Variants in ATP13A2 observed in about 807,000 individuals in gnomAD.
The protein encoded by ATP13A2 is ATPase cation transporting 13A2.
ATP13A2 carries 83 observed loss-of-function variants against 138.3 expected under a neutral mutation model. The observed-to-expected ratio is 0.60, with a 90% CI of 0.50 to 0.72. The LOEUF is 0.72. Among genes scored for constraint, ATP13A2 ranks in the 30% least tolerant of loss-of-function variants. The probability of loss-of-function intolerance (pLI) is 0.00; values close to 1 mark genes in which losing one functional copy is unlikely to be tolerated. For missense variants in ATP13A2, 1,402 were observed against 1,606.4 expected (o/e 0.87, Z 2.17); for synonymous variants, 663 against 699.0 (o/e 0.95, Z 0.81).
At chr1:17,009,312 A>G (rs2077688688) in intron 1 of ATP13A2, among the ~76,000 whole-genome samples, 1 of 151,674 alleles carries the variant, frequency 6.6e-6, no homozygotes, top group South Asian at 2.1e-4. Flanking sequence ...GAATGAATGA[A>G]TGTCTGTCTC....
At chr1:16,996,517 C>A in intron 12 of ATP13A2, 21 bp from the exon 13 acceptor site, 2 of 1,608,006 alleles carry the variant, frequency 1.2e-6, no homozygotes, top group Non-Finnish European at 1.7e-6. Context: ...GGCGGGGACC[C>A]CAAGGCAGGG....
intron 8 of ATP13A2, among the ~76,000 whole-genome samples, chr1:17,001,534 C>T (rs571705541): frequency 6.6e-6 from 1 of 152,218 alleles, no homozygotes; most frequent in Non-Finnish European, 1.5e-5. Context: ...TGCCTGCCCC[C>T]GATCAGAGGG....
In ATP13A2 at chr1:17,004,700, C is replaced by A; in HGVS notation, c.469G>T (p.Val157Phe). The change falls in exon 5 of 29, where the codon GTC becomes TTC. Residue 157 changes from valine (V) to phenylalanine (F), a missense_variant. Transcript: ENST00000326735. The surrounding 1 kb of genome is among the most constrained non-coding windows in gnomAD (Gnocchi z 4.1). ...ACTTTTTCAGAACCCACCTGTCCGA[C>A]ACTCACCGCCTCCTCGCTCTTGTGG... ...QLHKSEEAVSVGQKRVLRYYL... is the reference protein window; with the variant it reads ...QLHKSEEAVSFGQKRVLRYYL... 1 of 1,614,114 alleles carries A rather than the reference C, an allele frequency of 6.2e-7. No homozygotes were observed. Among genetic ancestry groups the A allele is most frequent in the Non-Finnish European group, 8.5e-7 (1 of 1,180,038 alleles).
intron 1 of ATP13A2, among the ~76,000 whole-genome samples, chr1:17,006,785 G>A (rs2077577247): frequency 6.6e-6 from 1 of 152,166 alleles, no homozygotes; most frequent in South Asian, 2.1e-4. Flanking sequence ...CTGGCAGTGA[G>A]GAGATGCAAA....
rs1207900938 is a variant in ATP13A2, at chr1:16,991,722, A to G, written c.2251+12T>C. ...CTGCCCTGCTAGCCCGGGCCCCTACATGCCATTGTACCTGTCACCATGACG... is the reference window on the plus strand; with the variant it reads ...CTGCCCTGCTAGCCCGGGCCCCTACGTGCCATTGTACCTGTCACCATGACG... On this transcript the variant is annotated intron_variant, in intron 20 of 28. Coordinates refer to ENST00000326735, the MANE Select transcript of ATP13A2 (RefSeq NM_022089.4). The G allele has an allele frequency of 6.2e-7, 1 of 1,614,030 alleles. No individual in the cohort carries two copies. Among genetic ancestry groups the G allele is most frequent in the Admixed American group, 1.7e-5 (1 of 60,030 alleles).
intron 24 of ATP13A2, 33 bp downstream of exon 24, chr1:16,988,289 G>A: frequency 1.2e-6 from 2 of 1,614,172 alleles, no homozygotes; most frequent in Non-Finnish European, 1.7e-6. Flanking sequence ...CAGCCCTGCT[G>A]AGCCCTCACC....
rs1443236583 is a variant in ATP13A2 at position 16,990,174 on chromosome 1, G to A, written c.2365C>T (p.Leu789Phe). 1 of 1,613,932 alleles carries A rather than the reference G, an allele frequency of 6.2e-7. No individual in the cohort carries two copies. Among genetic ancestry groups the A allele is most frequent in the African/African-American group, 1.3e-5 (1 of 74,932 alleles). ...GGGGACTCCATCGGCAGGAACTCGA[G>A]AGAGGCAGGCTGACCCCGCTCAGGG... ...THPERGQPASLEFLPMESPTA... is the reference protein window; with the variant it reads ...THPERGQPASFEFLPMESPTA... Residue 789 changes from leucine to phenylalanine, a missense_variant, in exon 21 of 29, where the codon CTC becomes TTC. Leu to Phe is a conservative substitution (Grantham distance 22, BLOSUM62 0). Coordinates refer to ENST00000326735, the MANE Select transcript of ATP13A2 (RefSeq NM_022089.4).
Position 17,000,161 on chromosome 1 carries a change from G to A in ATP13A2, c.908-19C>T, listed in dbSNP as rs2077292472. 8 of 1,612,820 alleles carry A rather than the reference G, an allele frequency of 5.0e-6. No homozygotes were observed. The highest frequency in any genetic ancestry group is 6.8e-6 in the Non-Finnish European group (8 of 1,179,910). ...TCTTCCTCTGCAGGCAGGCAGGAGA[G>A]GAGCTCAGCTAGGTGGGGCCAGCCC... On this transcript the variant is annotated intron_variant, in intron 10 of 28. Coordinates refer to ENST00000326735, the MANE Select transcript of ATP13A2 (RefSeq NM_022089.4).
rs778246482 is a variant in ATP13A2 at position 16,996,171 on chromosome 1, G to A, written c.1354-7C>T. The A allele has an allele frequency of 6.2e-7, 1 of 1,614,164 alleles. No individual in the cohort carries two copies. Among genetic ancestry groups the A allele is most frequent in the Non-Finnish European group, 8.5e-7 (1 of 1,180,044 alleles). ...CAATCTCATTCAGAGGCACCTGGCA[G>A]GGGGCACCATGAATGTGAGCACCTG... is the stretch of plus-strand genomic sequence containing the variant. On this transcript the variant is annotated splice_polypyrimidine_tract_variant and splice_region_variant and intron_variant, in intron 14 of 28. Coordinates refer to ENST00000326735, the MANE Select transcript of ATP13A2 (RefSeq NM_022089.4).
In ATP13A2 at chr1:16,986,976, G is replaced by A. The variant is rs773787370; in HGVS notation, c.3084-20C>T. 4 of 1,613,402 alleles carry A rather than the reference G, an allele frequency of 2.5e-6. No homozygotes were observed. The highest frequency in any genetic ancestry group is 2.5e-6 in the Non-Finnish European group (3 of 1,179,602). ...ACGAACCTGGGGGTACAGGGATGGG[G>A]GTCAGGGAACGAACGTGGGGTGGAC... On this transcript the variant is annotated intron_variant, in intron 26 of 28. Coordinates refer to ENST00000326735, the MANE Select transcript of ATP13A2 (RefSeq NM_022089.4). This position sits in a 1 kb window ranked among gnomAD's most constrained non-coding sequence, Gnocchi z 6.9.
In ATP13A2 at chr1:16,990,134, C is replaced by T. The variant is rs1238501560; in HGVS notation, c.2405G>A (p.Gly802Asp). 1 of 1,614,170 alleles carries T rather than the reference C, an allele frequency of 6.2e-7. No homozygotes were observed. The highest frequency in any genetic ancestry group is 8.5e-7 in the Non-Finnish European group (1 of 1,180,018). The change falls in exon 21 of 29, where the codon GGC becomes GAC. Residue 802 changes from glycine to aspartate, a missense_variant. Coordinates refer to ENST00000326735, the MANE Select transcript of ATP13A2 (RefSeq NM_022089.4). Reference sequence around the variant, plus strand: ...ACTCTGGGTTAGCCTCACCTTAACGCCATTCACGGCTGTGGGGGACTCCAT... The same window carrying T: ...ACTCTGGGTTAGCCTCACCTTAACGTCATTCACGGCTGTGGGGGACTCCAT... ...LPMESPTAVN[G>D]VKDPDQAASY...
chr1:16,994,163 G>C (rs558861774), intron 15 of ATP13A2, among the ~76,000 whole-genome samples: 1 of 151,268 alleles, frequency 6.6e-6, no homozygotes, highest in Non-Finnish European at 1.5e-5. Flanking sequence ...TGTGGTTAAG[G>C]ACCCGGCCCA....
chr1:16,991,944 TCTGC>T, intron 19 of ATP13A2, 61 bp downstream of exon 19: 1 of 1,610,464 alleles, frequency 6.2e-7, no homozygotes, highest in Non-Finnish European at 8.5e-7. Flanking sequence ...TTCCTTGGGC[TCTGC>T]CTGCGTGAGA....
rs2077106399 is a variant in ATP13A2 at position 16,996,004 on chromosome 1, C to T, written c.1514G>A (p.Gly505Asp). The T allele has an allele frequency of 1.2e-6, 2 of 1,613,920 alleles. No homozygotes were observed. The highest frequency in any genetic ancestry group is 2.7e-5 in the African/African-American group (2 of 74,942). ...GTCGAAACACACCAGCTGCAGCTTG[C>T]CCCCCAGGTTGATGCGCAGTGGGTG... ...CIHPLRINLG[G>D]KLQLVCFDKT... Residue 505 changes from glycine to aspartate, a missense_variant, in exon 15 of 29, where the codon GGC becomes GAC. By Grantham distance (94) the Gly-to-Asp change is moderately conservative. Transcript: ENST00000326735.
Position 16,990,187 on chromosome 1 carries a change from A to T in ATP13A2, c.2352T>A (p.Gly784=). The T allele has an allele frequency of 6.2e-7, 1 of 1,613,556 alleles. No individual in the cohort carries two copies. Among genetic ancestry groups the T allele is most frequent in the Non-Finnish European group, 8.5e-7 (1 of 1,179,950 alleles). Residue 784 remains glycine (G), a synonymous_variant, in exon 21 of 29, where the codon GGT becomes GGA. Coordinates refer to ENST00000326735, the MANE Select transcript of ATP13A2 (RefSeq NM_022089.4). ...GCAGGAACTCGAGAGAGGCAGGCTG[A>T]CCCCGCTCAGGGTGGGTGGCGTGGA... is the stretch of plus-strand genomic sequence containing the variant. The part of the protein sequence containing the change: ...IIVHATHPER[G]QPASLEFLPM...
Position 16,988,470 on chromosome 1 carries a change from A to G in ATP13A2, c.2614T>C (p.Cys872Arg), listed in dbSNP as rs368772418. 2.4e-5 allele frequency: 38 copies of G among 1,613,706 alleles called. No individual in the cohort carries two copies. Among genetic ancestry groups the G allele is most frequent in the Non-Finnish European group, 3.1e-5 (36 of 1,180,046 alleles). The change falls in exon 24 of 29, where the codon TGC becomes CGC. Residue 872 changes from cysteine (C) to arginine (R), a missense_variant. Physicochemically the swap from Cys to Arg is radical, Grantham distance 180. Coordinates refer to ENST00000326735, the MANE Select transcript of ATP13A2 (RefSeq NM_022089.4). ...GCGCCGTCTCCGCACATGCCCACGC[A>G]GTACCTGAAGAGAGGTGTGGACAGG... ...LVCELQKLQY[C>R]VGMCGDGAND... is the part of the protein sequence containing the mutation.
rs1314415439 is a variant in ATP13A2, at chr1:17,003,631, A to G, written c.557+701T>C. Among the ~76,000 whole-genome samples, 4 of 150,842 alleles carry G rather than the reference A, an allele frequency of 2.7e-5. No individual in the cohort carries two copies. In the Admixed American group the frequency reaches 2.7e-4, roughly 10 times the overall value. On this transcript the variant is annotated intron_variant, in intron 6 of 28. Transcript: ENST00000326735. ...CACACACACACACACACATACACAC[A>G]AACTAAGGTGTGTGGTGAGCTTGTG...
rs773526124 is a variant in ATP13A2 at position 16,993,696 on chromosome 1, A to G, written c.1682T>C (p.Leu561Pro). The G allele has an allele frequency of 1.3e-6, 2 of 1,595,434 alleles. No individual in the cohort carries two copies. The highest frequency in any genetic ancestry group is 2.3e-5 in the East Asian group (1 of 44,220). ...CACGGGGGTGTCCTGGAGCCGGCTG[A>G]GGGCATGGCAGGTGGCCAGTGCTCG... ...LLRALATCHALSRLQDTPVGD... is the reference protein window; with the variant it reads ...LLRALATCHAPSRLQDTPVGD... Residue 561 changes from leucine (L) to proline (P), a missense_variant, in exon 16 of 29, where the codon CTC becomes CCC. Physicochemically the swap from Leu to Pro is moderately conservative, Grantham distance 98 (BLOSUM62 -3). Transcript: ENST00000326735.
At position 16,990,161 on chromosome 1, in the gene ATP13A2, G is replaced by A. The variant is rs760914179; in HGVS notation, c.2378C>T (p.Pro793Leu). ...RGQPASLEFLPMESPTAVNGV... is the reference protein window; with the variant it reads ...RGQPASLEFLLMESPTAVNGV... ...ATTCACGGCTGTGGGGGACTCCATC[G>A]GCAGGAACTCGAGAGAGGCAGGCTG... The change falls in exon 21 of 29, where the codon CCG becomes CTG. Residue 793 changes from proline to leucine, a missense_variant. By Grantham distance (98) the Pro-to-Leu change is moderately conservative (BLOSUM62 -3). Coordinates refer to ENST00000326735, the MANE Select transcript of ATP13A2 (RefSeq NM_022089.4). 9 of 1,614,004 alleles carry A rather than the reference G, an allele frequency of 5.6e-6. No homozygotes were observed. The highest frequency in any genetic ancestry group is 3.3e-5 in the South Asian group (3 of 91,092).
Sources: allele counts gnomAD v4.1 joint callset (sites outside exome capture counted in the v4.1 genomes callset), GRCh38; gene constraint gnomAD v4.1.1; non-coding constraint Gnocchi (gnomAD v3.1); transcripts MANE v1.5; gene names NCBI Gene and HGNC (gene_info 2026-07-23, HGNC 2026-07-21).